Variants in OPCML observed in about 807,000 individuals in gnomAD.
OPCML encodes opioid binding protein/cell adhesion molecule like.
Under a neutral mutation model 37.8 loss-of-function variants are expected in OPCML, and 13 were observed. That is an observed-to-expected ratio of 0.34 (90% CI 0.22 to 0.55). OPCML has a LOEUF of 0.55. Ranked by LOEUF, OPCML falls within the 20% of genes least tolerant of loss-of-function variation. The probability of loss-of-function intolerance (pLI) is 0.91; values close to 1 mark genes in which losing one functional copy is unlikely to be tolerated. For missense variants in OPCML, 341 were observed against 435.6 expected, an observed-to-expected ratio of 0.78 and a Z score of 1.93; for synonymous variants, 176 against 168.8, an observed-to-expected ratio of 1.04 and a Z score of -0.33.
chr11:132,462,223 C>T lies in OPCML; in HGVS notation c.506-24864G>A, dbSNP rs2096104789. On this transcript the variant is annotated intron_variant, in intron 4 of 7. Coordinates refer to ENST00000524381, the MANE Select transcript of OPCML (RefSeq NM_001012393.5). Reference sequence around the variant, plus strand: ...AAGAATCCCCCCACCGCACCGCCCCCGCCACACACACACTTTTTGGTGATC... The same window carrying T: ...AAGAATCCCCCCACCGCACCGCCCCTGCCACACACACACTTTTTGGTGATC... Among the ~76,000 whole-genome samples the T allele has an allele frequency of 2.6e-5, 4 of 152,278 alleles. No individual in the cohort carries two copies. In the South Asian group the frequency reaches 6.2e-4, roughly 24 times the overall value.
At chr11:133,007,276 T>A (rs775842403) in intron 1 of OPCML, 1 of 985,360 alleles carries the variant, frequency 1.0e-6, no homozygotes, top group Admixed American at 6.1e-5. Flanking sequence ...ATAACTGAGC[T>A]ATTTATGCTG....
intron 1 of OPCML, among the ~76,000 whole-genome samples, chr11:133,147,663 G>A (rs933130635): frequency 5.9e-5 from 9 of 152,122 alleles, no homozygotes; most frequent in Admixed American, 1.3e-4. Flanking sequence ...AACAAAAGCC[G>A]ATGTAACCCG....
At chr11:133,431,267 T>G (rs1946109230) in intron 1 of OPCML, among the ~76,000 whole-genome samples, 1 of 152,202 alleles carries the variant, frequency 6.6e-6, no homozygotes, top group South Asian at 2.1e-4. Context: ...AGTAGGTAAA[T>G]AAAATAGTCA....
intron 1 of OPCML, among the ~76,000 whole-genome samples, chr11:132,955,610 G>A (rs577655228): frequency 1.3e-5 from 2 of 152,128 alleles, no homozygotes; most frequent in Admixed American, 6.5e-5. Flanking sequence ...CTGGCTGGGC[G>A]CGGTGGCTCA....
intron 2 of OPCML, among the ~76,000 whole-genome samples, chr11:132,670,304 C>T (rs192269236): frequency 4.6e-4 from 70 of 152,244 alleles, no homozygotes; most frequent in African/African-American, 1.6e-3. Context: ...GCAAAGACTT[C>T]GGCAGTGCAG....
At chr11:132,778,298 C>T (rs1054440565) in intron 2 of OPCML, among the ~76,000 whole-genome samples, 3 of 152,352 alleles carry the variant, frequency 2.0e-5, no homozygotes, top group Admixed American at 2.0e-4. Flanking sequence ...CCCAGGCCAC[C>T]CACACTGCTG....
chr11:133,384,934 G>T (rs1016000294), intron 1 of OPCML, among the ~76,000 whole-genome samples: 1 of 152,242 alleles, frequency 6.6e-6, no homozygotes, highest in Non-Finnish European at 1.5e-5. Flanking sequence ...AAAGCACTGC[G>T]TTGGAGGGGA....
chr11:132,968,399 TG>T (rs1946261941), intron 1 of OPCML, among the ~76,000 whole-genome samples: 1 of 152,206 alleles, frequency 6.6e-6, no homozygotes, highest in Non-Finnish European at 1.5e-5. Context: ...TCCTGAGGTA[TG>T]GCAGGGCATC....
intron 2 of OPCML, 41 bp from the exon 3 acceptor site, chr11:132,657,360 AAG>A (rs753545988): frequency 1.2e-6 from 2 of 1,606,896 alleles, no homozygotes; most frequent in Admixed American, 3.4e-5. Context: ...GAAGAAGGGA[AAG>A]AGAGAGAGTG....
intron 1 of OPCML, among the ~76,000 whole-genome samples, chr11:132,984,783 A>T (rs1235039437): frequency 6.6e-6 from 1 of 152,204 alleles, no homozygotes; most frequent in Admixed American, 6.5e-5. Context: ...TATTTACAGT[A>T]AGAATCCTGA....
intron 1 of OPCML, chr11:133,025,057 G>T (rs186768091): frequency 1.9e-3 from 1,809 of 938,948 alleles, no homozygotes; most frequent in Middle Eastern, 7.6e-3. Context: ...ATGTGCTGAG[G>T]TATCTATGGA....
Position 133,508,185 on chromosome 11 carries a change from G to T in OPCML, c.61+24079C>A, listed in dbSNP as rs541319599. Among the ~76,000 whole-genome samples the T allele has an allele frequency of 1.7e-4, 26 of 152,232 alleles. No homozygotes were observed. The South Asian group carries it at 3.9e-3, about 23-fold the overall frequency. On this transcript the variant is annotated intron_variant, in intron 1 of 7. Coordinates refer to ENST00000524381, the MANE Select transcript of OPCML (RefSeq NM_001012393.5). ...CCCAGGTTGAGAGCCATTGCTCTGGGAGGTAGCAGAGAAAGAGTTTTTACT... is the reference window on the plus strand; with the variant it reads ...CCCAGGTTGAGAGCCATTGCTCTGGTAGGTAGCAGAGAAAGAGTTTTTACT...
chr11:133,354,948 G>A (rs1243839532), intron 1 of OPCML, among the ~76,000 whole-genome samples: 2 of 152,130 alleles, frequency 1.3e-5, no homozygotes, highest in Non-Finnish European at 2.9e-5. Flanking sequence ...AAAGAAAACT[G>A]AAAACAATCC....
chr11:132,497,164 C>A (rs2137101188), intron 4 of OPCML, among the ~76,000 whole-genome samples: 1 of 152,244 alleles, frequency 6.6e-6, no homozygotes, highest in African/African-American at 2.4e-5. Context: ...ACCACATGTT[C>A]TCACTTATAA....
At chr11:132,730,321 A>G (rs1392214209) in intron 2 of OPCML, among the ~76,000 whole-genome samples, 1 of 152,208 alleles carries the variant, frequency 6.6e-6, no homozygotes, top group Non-Finnish European at 1.5e-5. Flanking sequence ...AGACCATGGC[A>G]TCATATTAAT....
chr11:133,340,824 A>C (rs1436016443), intron 1 of OPCML, among the ~76,000 whole-genome samples: 1 of 152,098 alleles, frequency 6.6e-6, no homozygotes, highest in Admixed American at 6.6e-5. Flanking sequence ...TCTGTGACGA[A>C]GGGGGAAAAA....
At chr11:132,957,821 A>C (rs1269356245) in intron 1 of OPCML, among the ~76,000 whole-genome samples, 1 of 152,194 alleles carries the variant, frequency 6.6e-6, no homozygotes, top group Admixed American at 6.5e-5. Flanking sequence ...CAGGAAACTT[A>C]ATCGATAAAT....
intron 2 of OPCML, among the ~76,000 whole-genome samples, chr11:132,686,326 A>G (rs927717234): frequency 7.2e-5 from 11 of 152,216 alleles, no homozygotes; most frequent in Admixed American, 3.3e-4. Context: ...ATAATCTTCT[A>G]GGCTTTCTCA....
At chr11:132,756,557 C>T (rs953776693) in intron 2 of OPCML, among the ~76,000 whole-genome samples, 12 of 152,154 alleles carry the variant, frequency 7.9e-5, no homozygotes, top group African/African-American at 2.9e-4. Flanking sequence ...TCATTTACTT[C>T]ATAACCTGTT....
Sources: gnomAD v4.1 joint callset for allele counts (sites outside exome capture counted in the v4.1 genomes callset) on GRCh38, gnomAD v4.1.1 for gene constraint, MANE v1.5 for transcripts, NCBI Gene and HGNC (gene_info 2026-07-23, HGNC 2026-07-21) for gene names.